Variants in CYP4X1 observed in about 807,000 individuals in gnomAD.
The protein encoded by CYP4X1 is cytochrome P450 4X1.
In CYP4X1, 44 loss-of-function variants were observed where a neutral mutation model predicts 57.9. That is an observed-to-expected ratio of 0.76 (90% CI 0.60 to 0.98). The LOEUF (loss-of-function observed/expected upper bound fraction) is 0.98, where lower values mean the gene tolerates loss of function less well. CYP4X1 is among the 50% of genes least tolerant of loss of function. The pLI, the probability that CYP4X1 is intolerant of heterozygous loss-of-function variation, is 0.00. For synonymous variants in CYP4X1, 227 were observed against 228.6 expected, an observed-to-expected ratio of 0.99 and a Z score of 0.06; for missense variants, 532 against 623.9, an observed-to-expected ratio of 0.85 and a Z score of 1.57.
At chr1:47,041,409 A>G (rs1252586709) in intron 8 of CYP4X1, among the ~76,000 whole-genome samples, 1 of 152,142 alleles carries the variant, frequency 6.6e-6, no homozygotes, top group Non-Finnish European at 1.5e-5. Context: ...ATTCCAACCA[A>G]AAGTGTATAA....
Position 47,050,167 on chromosome 1 carries a change from AATGTTAG to A in CYP4X1, c.1526_*2del. 3 of 1,613,844 alleles carry A rather than the reference AATGTTAG, an allele frequency of 1.9e-6. No individual in the cohort carries two copies. The highest frequency in any genetic ancestry group is 2.5e-6 in the Non-Finnish European group (3 of 1,179,916). On this transcript the variant is annotated frameshift_variant and stop_lost, in exon 12 of 12. Coordinates refer to ENST00000371901, the MANE Select transcript of CYP4X1 (RefSeq NM_178033.2). LOFTEE classifies it high-confidence loss of function. ...TATTTGCACCTGAAGAAACTCTCTGAATGTTAGATCTCAGGGTACAATGATTAAACGT... is the reference window on the plus strand; with the variant it reads ...TATTTGCACCTGAAGAAACTCTCTGAATCTCAGGGTACAATGATTAAACGT...
At chr1:46,977,173 T>G in the CYP4X1 span, among the ~76,000 whole-genome samples, 1 of 151,956 alleles carries the variant, frequency 6.6e-6, no homozygotes, top group African/African-American at 2.4e-5. Context: ...ATAACAAACT[T>G]CTCTGAGCTA....
chr1:47,002,568 C>T, the CYP4X1 span, among the ~76,000 whole-genome samples: 1 of 152,204 alleles, frequency 6.6e-6, no homozygotes, highest in Non-Finnish European at 1.5e-5. Context: ...TTAGAAAAAC[C>T]TTGTTTCTAC....
the CYP4X1 span, among the ~76,000 whole-genome samples, chr1:46,974,839 G>A: frequency 1.3e-5 from 2 of 151,982 alleles, no homozygotes; most frequent in African/African-American, 4.8e-5. Context: ...CATGTGAGAT[G>A]GGTCTCTTGA....
At chr1:46,968,797 C>G in the CYP4X1 span, among the ~76,000 whole-genome samples, 4 of 152,188 alleles carry the variant, frequency 2.6e-5, no homozygotes, top group Non-Finnish European at 4.4e-5. Context: ...TACTTAGAGG[C>G]AAGAGCAGTG....
the CYP4X1 span, among the ~76,000 whole-genome samples, chr1:46,968,906 G>GA: frequency 6.6e-6 from 1 of 152,176 alleles, no homozygotes; most frequent in Non-Finnish European, 1.5e-5. Flanking sequence ...CTTGGGTTTT[G>GA]AAAATGAATG....
chr1:47,048,765 A>G lies in CYP4X1; in HGVS notation c.1272+136A>G, dbSNP rs1644329768. 14 of 843,098 alleles carry G rather than the reference A, an allele frequency of 1.7e-5. No individual in the cohort carries two copies. In the South Asian group the frequency reaches 2.3e-4, roughly 14 times the overall value. The allele number at this position is 843,098 out of a possible 1,614,324, so 52.2% of individuals were successfully genotyped here. On this transcript the variant is annotated intron_variant, in intron 10 of 11. Coordinates refer to ENST00000371901, the MANE Select transcript of CYP4X1 (RefSeq NM_178033.2). ...AAACAAAAATAAACATAAAAGCCAAAAGAAATGTAAAACTATTCTATGTTC... is the reference window on the plus strand; with the variant it reads ...AAACAAAAATAAACATAAAAGCCAAGAGAAATGTAAAACTATTCTATGTTC...
At chr1:47,038,490 C>T (rs1644209217) in intron 6 of CYP4X1, among the ~76,000 whole-genome samples, 170 bp from the exon 7 acceptor site, 1 of 152,096 alleles carries the variant, frequency 6.6e-6, no homozygotes, top group African/African-American at 2.4e-5. Context: ...ATCTTTGGAG[C>T]TTTAATCAAA....
chr1:47,043,268 G>T (rs1439051054), intron 8 of CYP4X1, among the ~76,000 whole-genome samples: 3 of 152,030 alleles, frequency 2.0e-5, no homozygotes, highest in Non-Finnish European at 4.4e-5. Context: ...TTTGAGAATT[G>T]TCTATTCATG....
chr1:47,008,830 T>C, the CYP4X1 span, among the ~76,000 whole-genome samples: 10 of 152,270 alleles, frequency 6.6e-5, no homozygotes, highest in Non-Finnish European at 1.2e-4. Context: ...AAGAAGGCCA[T>C]TACATAATGG....
the CYP4X1 span, among the ~76,000 whole-genome samples, chr1:46,979,502 A>C: frequency 1.3e-5 from 2 of 152,192 alleles, no homozygotes; most frequent in African/African-American, 4.8e-5. Context: ...CCAACCAAAA[A>C]GAGTCCACAA....
chr1:47,051,304 G>A (rs543406082), downstream of CYP4X1, among the ~76,000 whole-genome samples: 60 of 152,008 alleles, frequency 3.9e-4, no homozygotes, highest in Admixed American at 1.2e-3. Context: ...ACTTGAACCC[G>A]GGAGGGGGAG....
At chr1:47,021,649 T>C (rs368226991), upstream of CYP4X1, among the ~76,000 whole-genome samples, 116 of 152,322 alleles carry the variant, frequency 7.6e-4, no homozygotes, top group African/African-American at 2.6e-3. Context: ...CTTAGGCTCC[T>C]AAATATAGTG....
chr1:47,052,934 A>C (rs1002112697), downstream of CYP4X1, among the ~76,000 whole-genome samples: 3 of 151,966 alleles, frequency 2.0e-5, no homozygotes, highest in Admixed American at 2.0e-4. Context: ...TTTTATTATT[A>C]CACTTTAAGT....
intron 4 of CYP4X1, among the ~76,000 whole-genome samples, chr1:47,034,698 A>G (rs1336200453): frequency 6.6e-6 from 1 of 152,072 alleles, no homozygotes; most frequent in East Asian, 1.9e-4. Flanking sequence ...AGTGAGAGAG[A>G]AGAGCATCCT....
chr1:47,014,992 T>A, the CYP4X1 span, among the ~76,000 whole-genome samples: 3 of 152,130 alleles, frequency 2.0e-5, no homozygotes, highest in African/African-American at 7.2e-5. Context: ...GTCTTTTTTG[T>A]TTTTTGGTTT....
At chr1:46,966,184 G>A in the CYP4X1 span, among the ~76,000 whole-genome samples, 3 of 152,226 alleles carry the variant, frequency 2.0e-5, no homozygotes, top group Non-Finnish European at 1.5e-5. Context: ...AAACCAGTGG[G>A]TTTTAACCTG....
the CYP4X1 span, among the ~76,000 whole-genome samples, chr1:47,001,542 G>A: frequency 1.3e-5 from 2 of 152,218 alleles, no homozygotes; most frequent in East Asian, 3.9e-4. Context: ...GCTTTGGGGA[G>A]GCTTCCTAGA....
chr1:47,007,203 C>T, the CYP4X1 span, among the ~76,000 whole-genome samples: 91 of 152,318 alleles, frequency 6.0e-4, no homozygotes, highest in African/African-American at 1.6e-3. Flanking sequence ...ACACCTCACA[C>T]GGCCAGGTAC....
Sources: allele counts gnomAD v4.1 joint callset (sites outside exome capture counted in the v4.1 genomes callset), GRCh38; gene constraint gnomAD v4.1.1; transcripts MANE v1.5; gene names NCBI Gene and HGNC (gene_info 2026-07-23, HGNC 2026-07-21).